FAM234A: variants seen among roughly 807,000 people sequenced by gnomAD.
FAM234A encodes protein FAM234A.
In FAM234A, 42 loss-of-function variants were observed where a neutral mutation model predicts 49.1. The observed-to-expected ratio is 0.86, with a 90% CI of 0.67 to 1.11. FAM234A has a LOEUF of 1.11. Ranked by LOEUF, FAM234A falls within the 50% of genes least tolerant of loss-of-function variation. The probability of loss-of-function intolerance (pLI) is 0.00; values close to 1 mark genes in which losing one functional copy is unlikely to be tolerated. For synonymous variants in FAM234A, 369 were observed against 316.2 expected (o/e 1.17, Z -1.77); for missense variants, 815 against 745.2 (o/e 1.09, Z -1.09).
In FAM234A at chr16:251,013, A is replaced by G. The variant is rs185745140; in HGVS notation, c.-34+1359A>G. On this transcript the variant is annotated intron_variant, in intron 2 of 12. Transcript: ENST00000399932. ...CCTCTATTGCCCAGGCTGGAGTGCA[A>G]TGGTGCAATCTTGGCTCACTGCAAC... Among the ~76,000 whole-genome samples the G allele has an allele frequency of 1.8e-3, 273 of 151,832 alleles. 1 individual carries two copies. Among genetic ancestry groups the G allele is most frequent in the African/African-American group, 5.8e-3 (242 of 41,508 alleles).
At chr16:242,257 C>T (rs1331028001) in intron 1 of FAM234A, among the ~76,000 whole-genome samples, 1 of 152,098 alleles carries the variant, frequency 6.6e-6, no homozygotes, top group Non-Finnish European at 1.5e-5. Flanking sequence ...GTCTATCACC[C>T]GGGCTGGAGT....
At position 251,113 on chromosome 16, in the gene FAM234A, T is replaced by C. The variant is rs11647406; in HGVS notation, c.-34+1459T>C. Among the ~76,000 whole-genome samples, 1,088 of 152,270 alleles carry C rather than the reference T, an allele frequency of 7.1e-3. 7 individuals are homozygous for C. The highest frequency in any genetic ancestry group is 0.017 in the Middle Eastern group (5 of 294). ...CTGGGATTACAAGCGCCTGCCACCA[T>C]GCCCATCTAGTTTTTTTGTATTTTT... On this transcript the variant is annotated intron_variant, in intron 2 of 12. Transcript: ENST00000399932.
At chr16:254,745 G>C in intron 3 of FAM234A, 64 bp downstream of exon 3, 3 of 1,528,858 alleles carry the variant, frequency 2.0e-6, no homozygotes, top group Admixed American at 3.8e-5. Context: ...TGGGGCGGAG[G>C]GGGCAGAACT....
intron 8 of FAM234A, 58 bp downstream of exon 8, chr16:262,611 C>G (rs1253667029): frequency 2.0e-6 from 3 of 1,486,580 alleles, no homozygotes; most frequent in African/African-American, 1.4e-5. Context: ...GCTCTGCTCG[C>G]CTGCCTCAGC....
At chr16:266,449 G>A (rs2051695924), downstream of FAM234A, among the ~76,000 whole-genome samples, 1 of 152,190 alleles carries the variant, frequency 6.6e-6, no homozygotes, top group African/African-American at 2.4e-5. Flanking sequence ...AGGGATGATG[G>A]TAGGGCCGGG....
downstream of FAM234A, chr16:268,550 C>T (rs1308581174): frequency 1.7e-6 from 1 of 586,520 alleles, no homozygotes; most frequent in Non-Finnish European, 3.0e-6. Flanking sequence ...TCAGGGACGC[C>T]TGGCAAGGAT....
Position 263,304 on chromosome 16 carries a change from C to A in FAM234A, c.1014C>A (p.Ala338=), listed in dbSNP as rs768915747. The change falls in exon 9 of 13, where the codon GCC becomes GCA. Residue 338 remains alanine (A), a synonymous_variant. Transcript: ENST00000399932. ...VRYLMHVPGN[A]GADVLLVGSE... ...ACCTGATGCATGTCCCAGGGAACGC[C>A]GGTGCAGATGTGCTTCTTGTGGGCT... 7 of 1,613,052 alleles carry A rather than the reference C, an allele frequency of 4.3e-6. No homozygotes were observed. The highest frequency in any genetic ancestry group is 5.9e-6 in the Non-Finnish European group (7 of 1,180,016).
At position 237,205 on chromosome 16, in the gene FAM234A, C is replaced by T. The variant is rs527321374; in HGVS notation, c.-140+2348C>T. ...ACAGGTGTGAGCCACCATGCCCACC[C>T]CTTCTTTTTCTTTTCAGGCTCCTTG... On this transcript the variant is annotated intron_variant, in intron 1 of 12. Coordinates refer to ENST00000399932, the MANE Select transcript of FAM234A (RefSeq NM_032039.4). Among the ~76,000 whole-genome samples the T allele has an allele frequency of 8.2e-4, 125 of 152,198 alleles. 1 individual carries two copies. Among genetic ancestry groups the T allele is most frequent in the African/African-American group, 2.9e-3 (122 of 41,532 alleles).
intron 8 of FAM234A, 78 bp from the exon 9 acceptor site, chr16:263,184 G>A: frequency 6.5e-7 from 1 of 1,544,912 alleles, no homozygotes; most frequent in African/African-American, 1.4e-5. Flanking sequence ...CCCTGAGACG[G>A]GCGGTGCCAG....
intron 3 of FAM234A, among the ~76,000 whole-genome samples, chr16:257,582 C>T (rs999165776): frequency 9.9e-5 from 15 of 152,056 alleles, no homozygotes; most frequent in African/African-American, 3.4e-4. Context: ...ATCACCAGAT[C>T]CCTTGTCATG....
chr16:242,856 C>T (rs2050669297), intron 1 of FAM234A, among the ~76,000 whole-genome samples: 1 of 151,986 alleles, frequency 6.6e-6, no homozygotes. Flanking sequence ...TTGCGATCCA[C>T]CCACCTCAGC....
chr16:236,102 G>T (rs1596720384), intron 1 of FAM234A, among the ~76,000 whole-genome samples: 1 of 151,908 alleles, frequency 6.6e-6, no homozygotes, highest in African/African-American at 2.4e-5. Flanking sequence ...ACAGGTGCCC[G>T]CCACCACACC....
chr16:254,288 T>C (rs2051138455), intron 2 of FAM234A, 93 bp from the exon 3 acceptor site: 1 of 989,480 alleles, frequency 1.0e-6, no homozygotes, highest in African/African-American at 1.6e-5. Context: ...CTGCAGCCAG[T>C]CCCCAAGAAG....
chr16:237,080 A>T (rs544946171), intron 1 of FAM234A, among the ~76,000 whole-genome samples: 120 of 140,664 alleles, frequency 8.5e-4, no homozygotes, highest in African/African-American at 2.5e-3. Context: ...TATTTTTTTA[A>T]AAAAATATGT....
chr16:246,119 G>A (rs1003993429), intron 1 of FAM234A, among the ~76,000 whole-genome samples: 2 of 151,488 alleles, frequency 1.3e-5, no homozygotes, highest in Admixed American at 1.3e-4. Context: ...GGAGGCTGAG[G>A]CAGGAGAATC....
intron 1 of FAM234A, among the ~76,000 whole-genome samples, chr16:240,907 TTAAC>T (rs2050590046): frequency 6.6e-6 from 1 of 152,176 alleles, no homozygotes; most frequent in South Asian, 2.1e-4. Flanking sequence ...CCTCTAAATA[TTAAC>T]TAAATATTTT....
At chr16:244,219 T>C (rs113227421) in intron 1 of FAM234A, among the ~76,000 whole-genome samples, 4,248 of 152,174 alleles carry the variant, frequency 0.028, 75 homozygotes, top group Middle Eastern at 0.058. Context: ...CCACCCGCCT[T>C]GGCCTCCCAA....
intron 1 of FAM234A, chr16:248,209 G>GT (rs1482758137): frequency 1.3e-5 from 2 of 152,018 alleles, no homozygotes; most frequent in African/African-American, 4.8e-5. Context: ...CATTTAGAGA[G>GT]TTTTTTCCCT....
intron 1 of FAM234A, chr16:246,929 C>A (rs1312405501): frequency 6.6e-6 from 1 of 151,690 alleles, no homozygotes; most frequent in African/African-American, 2.4e-5. Flanking sequence ...GCGCATGCCA[C>A]CATACTCATC....
Sources: allele counts gnomAD v4.1 joint callset (sites outside exome capture counted in the v4.1 genomes callset), GRCh38; gene constraint gnomAD v4.1.1; transcripts MANE v1.5; gene names NCBI Gene and HGNC (gene_info 2026-07-23, HGNC 2026-07-21).